RAPH1: variants seen among roughly 807,000 people sequenced by gnomAD.
RAPH1 encodes the protein Ras association (RalGDS/AF-6) and pleckstrin homology domains 1.
Under a neutral mutation model 88.1 loss-of-function variants are expected in RAPH1, and 18 were observed. The ratio of observed to expected loss-of-function variants is 0.20; its 90% CI spans 0.14 to 0.30. RAPH1 has a LOEUF of 0.30. RAPH1 is among the 10% of genes least tolerant of loss of function. RAPH1 has a pLI of 1.00. For missense variants in RAPH1, 1,448 were observed against 1,543.2 expected, an observed-to-expected ratio of 0.94 and a Z score of 1.03; for synonymous variants, 587 against 559.0, an observed-to-expected ratio of 1.05 and a Z score of -0.71.
At chr2:203,471,810 A>G (rs1012734850) in intron 4 of RAPH1, among the ~76,000 whole-genome samples, 4 of 77,158 alleles carry the variant, frequency 5.2e-5, no homozygotes, top group Non-Finnish European at 1.1e-4. Flanking sequence ...CCTCTCACCC[A>G]TTCTTTAAAA....
At position 203,440,811 on chromosome 2, in the gene RAPH1, A is replaced by G; in HGVS notation, c.2379T>C (p.Thr793=). 3.0e-6 allele frequency: 4 copies of G among 1,344,782 alleles called. No individual in the cohort carries two copies. Among genetic ancestry groups the G allele is most frequent in the Non-Finnish European group, 3.0e-6 (3 of 1,016,730 alleles). 83.3% of individuals were successfully genotyped at this position (1,344,782 alleles called of 1,614,324 possible). The stretch of plus-strand genomic sequence containing the variant: ...CAGCTTGAGTCACAACAGGTGCCAC[A>G]GTCTTGGTGCTGGTTGGTGCGGGGA... ...VTIPAPTSTK[T]VAPVVTQAAP... is the part of the protein sequence containing the mutation. The change falls in exon 14 of 14, where the codon ACT becomes ACC. Residue 793 remains threonine (T), a synonymous_variant. Coordinates refer to ENST00000319170, the MANE Select transcript of RAPH1 (RefSeq NM_213589.3).
intron 1 of RAPH1, among the ~76,000 whole-genome samples, chr2:203,517,241 A>G (rs1689655154): frequency 6.6e-6 from 1 of 151,670 alleles, no homozygotes; most frequent in East Asian, 1.9e-4. Flanking sequence ...CTTTAAAGCA[A>G]GGAAAGTTAT....
intron 1 of RAPH1, among the ~76,000 whole-genome samples, chr2:203,500,506 T>C (rs1178136603): frequency 6.6e-6 from 1 of 152,170 alleles, no homozygotes; most frequent in African/African-American, 2.4e-5. Context: ...TTATTCCAAT[T>C]GTGGTTTGTT....
At chr2:203,483,969 T>C (rs976911378) in intron 4 of RAPH1, among the ~76,000 whole-genome samples, 2 of 152,108 alleles carry the variant, frequency 1.3e-5, no homozygotes, top group African/African-American at 4.8e-5. Flanking sequence ...TAAGTCACAC[T>C]ACCACCATCC....
At chr2:203,479,478 C>G (rs1267751276) in intron 4 of RAPH1, among the ~76,000 whole-genome samples, 1 of 151,964 alleles carries the variant, frequency 6.6e-6, no homozygotes, top group South Asian at 2.1e-4. Flanking sequence ...GTGACTCGTG[C>G]CTGTAGTCCC....
intron 1 of RAPH1, among the ~76,000 whole-genome samples, chr2:203,507,987 C>T (rs1049053618): frequency 2.4e-4 from 36 of 150,932 alleles, no homozygotes; most frequent in African/African-American, 6.8e-4. Flanking sequence ...CTGAGGCGGG[C>T]GGATCACCAG....
chr2:203,490,785 G>A (rs1006146185), intron 3 of RAPH1, among the ~76,000 whole-genome samples: 8 of 152,108 alleles, frequency 5.3e-5, no homozygotes, highest in African/African-American at 1.7e-4. Context: ...GCTCACGACT[G>A]TAATCCCAGC....
chr2:203,495,431 T>TA lies in RAPH1; in HGVS notation c.1-79dup. 2.9e-6 allele frequency: 4 copies of TA among 1,373,940 alleles called. No individual in the cohort carries two copies. The South Asian group carries it at 5.2e-5, about 18-fold the overall frequency. The allele number at this position is 1,373,940 out of a possible 1,614,324, so 85.1% of individuals were successfully genotyped here. ...AAAAATTATGCCATATATGCTCTGATATATATTATATGCCTCTGAAGTCAA... is the reference window on the plus strand; with the variant it reads ...AAAAATTATGCCATATATGCTCTGATAATATATTATATGCCTCTGAAGTCAA... On this transcript the variant is annotated intron_variant, in intron 1 of 13. Coordinates refer to ENST00000319170, the MANE Select transcript of RAPH1 (RefSeq NM_213589.3).
intron 7 of RAPH1, among the ~76,000 whole-genome samples, chr2:203,458,129 T>C (rs983167408): frequency 6.6e-6 from 1 of 152,170 alleles, no homozygotes. Context: ...CCCAGCACTC[T>C]GGGAGGCCAA....
At position 203,489,779 on chromosome 2, in the gene RAPH1, A is replaced by C. The variant is rs1688162820; in HGVS notation, c.537T>G (p.Thr179=). ...TGTGCTGATTAGTTACTAAGGGTTT[A>C]GTATCTTCTAGTACAGATTGCTGAG... ...EAAQQSVLED[T]KPLVTNQHRR... Residue 179 remains threonine (T), a synonymous_variant, in exon 4 of 14, where the codon ACT becomes ACG. Transcript: ENST00000319170. The C allele has an allele frequency of 6.2e-7, 1 of 1,614,100 alleles. No individual in the cohort carries two copies. Among genetic ancestry groups the C allele is most frequent in the Admixed American group, 1.7e-5 (1 of 60,004 alleles).
intron 4 of RAPH1, chr2:203,470,228 A>G: frequency 4.4e-6 from 7 of 1,592,762 alleles, no homozygotes; most frequent in Non-Finnish European, 6.0e-6. Context: ...TGCATGTGGA[A>G]GAAGTATCAC....
chr2:203,461,459 G>A, intron 5 of RAPH1, 51 bp from the exon 6 acceptor site: 1 of 1,372,354 alleles, frequency 7.3e-7, no homozygotes, highest in Non-Finnish European at 9.8e-7. Context: ...TGGCATTCTA[G>A]GAAAGGCACT....
intron 1 of RAPH1, among the ~76,000 whole-genome samples, chr2:203,525,160 G>A (rs1309538672): frequency 6.6e-6 from 1 of 152,154 alleles, no homozygotes; most frequent in Admixed American, 6.5e-5. Context: ...ACAGGAAAAT[G>A]GATAAGAAAT....
intron 1 of RAPH1, among the ~76,000 whole-genome samples, chr2:203,529,005 A>ATATATATATT (rs1553633903): frequency 2.4e-5 from 1 of 41,154 alleles, no homozygotes; most frequent in Non-Finnish European, 3.9e-5. Flanking sequence ...ATATATATAT[A>ATATATATATT]TTTTTTTTTT....
intron 3 of RAPH1, 62 bp downstream of exon 3, chr2:203,491,152 A>C: frequency 9.5e-7 from 1 of 1,057,632 alleles, no homozygotes; most frequent in Non-Finnish European, 1.4e-6. Context: ...TTGCAGTTGT[A>C]CTGCTCCTAC....
intron 4 of RAPH1, among the ~76,000 whole-genome samples, chr2:203,472,359 T>C (rs545031193): frequency 3.8e-4 from 58 of 152,324 alleles, no homozygotes; most frequent in African/African-American, 1.3e-3. Flanking sequence ...CTTGAACTCC[T>C]GACCTAAGGT....
intron 2 of RAPH1, among the ~76,000 whole-genome samples, chr2:203,493,759 G>A (rs553345334): frequency 6.6e-6 from 1 of 151,856 alleles, no homozygotes; most frequent in Non-Finnish European, 1.5e-5. Context: ...GATTACCTAG[G>A]TCAGGAGTTC....
intron 1 of RAPH1, among the ~76,000 whole-genome samples, chr2:203,506,899 T>C (rs1340825339): frequency 3.2e-5 from 3 of 94,008 alleles, no homozygotes; most frequent in African/African-American, 1.5e-4. Flanking sequence ...TATATATATA[T>C]TTTTTTTTTT....
At position 203,459,987 on chromosome 2, in the gene RAPH1, G is replaced by A; in HGVS notation, c.1012C>T (p.Leu338Phe). Residue 338 changes from leucine to phenylalanine, a missense_variant, in exon 7 of 14, where the codon CTT (leucine) becomes TTT (phenylalanine). By Grantham distance (22) the Leu-to-Phe change is conservative (BLOSUM62 0). Around this residue, in one of 2 missense-constraint regions of RAPH1, gnomAD observed 513 missense variants for 653.1 expected, o/e 0.79. Coordinates refer to ENST00000319170, the MANE Select transcript of RAPH1 (RefSeq NM_213589.3). ...EDHENLVENLLNWTRDSQNKL... is the reference protein window; with the variant it reads ...EDHENLVENLFNWTRDSQNKL... ...TTTTGGCTATCTCTTGTCCAATTAA[G>A]AAGATTTTCAACCAAGTTTTCATGG... 1 of 1,610,180 alleles carries A rather than the reference G, an allele frequency of 6.2e-7. No homozygotes were observed. Among genetic ancestry groups the A allele is most frequent in the East Asian group, 2.2e-5 (1 of 44,842 alleles).
Sources: gnomAD v4.1 joint callset for allele counts (sites outside exome capture counted in the v4.1 genomes callset) on GRCh38, gnomAD v4.1.1 for gene constraint, gnomAD v4.1.1 regional missense constraint, MANE v1.5 for transcripts, NCBI Gene and HGNC (gene_info 2026-07-23, HGNC 2026-07-21) for gene names.